NUBPL: variants seen among roughly 807,000 people sequenced by gnomAD.
NUBPL encodes the protein iron-sulfur cluster transfer protein NUBPL.
Under a neutral mutation model 45.7 loss-of-function variants are expected in NUBPL, and 31 were observed. That is an observed-to-expected ratio of 0.68 (90% CI 0.51 to 0.92). The LOEUF is 0.92. Among genes scored for constraint, NUBPL ranks in the 40% least tolerant of loss-of-function variants. The pLI, the probability that NUBPL is intolerant of heterozygous loss-of-function variation, is 0.00. For synonymous variants in NUBPL, 144 were observed against 140.9 expected (o/e 1.02, Z -0.15); for missense variants, 401 against 398.7 (o/e 1.01, Z -0.05).
At chr14:31,753,484 T>C (rs2038579058) in intron 6 of NUBPL, among the ~76,000 whole-genome samples, 1 of 152,022 alleles carries the variant, frequency 6.6e-6, no homozygotes, top group African/African-American at 2.4e-5. Flanking sequence ...GGATCATGGC[T>C]GTCCCATGGG....
At chr14:31,567,457 T>G (rs1020549080) in intron 3 of NUBPL, among the ~76,000 whole-genome samples, 19 of 152,322 alleles carry the variant, frequency 1.2e-4, no homozygotes, top group African/African-American at 4.3e-4. Flanking sequence ...CCTTTATGCT[T>G]GTTAATTTTT....
intron 6 of NUBPL, among the ~76,000 whole-genome samples, chr14:31,741,474 A>G (rs1340525659): frequency 1.3e-5 from 2 of 152,144 alleles, no homozygotes; most frequent in African/African-American, 4.8e-5. Flanking sequence ...CTGGTAAACT[A>G]GTTGCTTCTG....
intron 3 of NUBPL, among the ~76,000 whole-genome samples, chr14:31,596,842 G>A (rs1267579079): frequency 6.6e-6 from 1 of 152,144 alleles, no homozygotes; most frequent in Non-Finnish European, 1.5e-5. Context: ...GTTGCTGTGA[G>A]GATAAGTGAA....
At chr14:31,800,949 C>G (rs1595648117) in intron 7 of NUBPL, 1 of 152,154 alleles carries the variant, frequency 6.6e-6, no homozygotes, top group Non-Finnish European at 1.5e-5. Flanking sequence ...AATGAAGCAA[C>G]TAGTTACAAA....
rs149777453 is a variant in NUBPL, at chr14:31,613,013, T to A, written c.382+13634T>A. Among the ~76,000 whole-genome samples the A allele has an allele frequency of 2.0e-3, 299 of 152,308 alleles. 2 individuals carry two copies. The highest frequency in any genetic ancestry group is 0.014 in the Admixed American group (209 of 15,298). On this transcript the variant is annotated intron_variant, in intron 4 of 10. Transcript: ENST00000281081. Reference sequence around the variant, plus strand: ...CACTCCCATGTTTGTTGCAGCACTGTTCACAATAGCTAAGATTTGAAGGCA... The same window carrying A: ...CACTCCCATGTTTGTTGCAGCACTGATCACAATAGCTAAGATTTGAAGGCA...
intron 4 of NUBPL, among the ~76,000 whole-genome samples, chr14:31,630,731 C>T (rs923960760): frequency 6.6e-5 from 10 of 152,108 alleles, no homozygotes; most frequent in Non-Finnish European, 1.5e-5. Context: ...TTTACTAAGG[C>T]AATATCTTTC....
chr14:31,802,576 G>A (rs76280863), intron 7 of NUBPL, among the ~76,000 whole-genome samples: 8,648 of 152,006 alleles, frequency 0.057, 351 homozygotes, highest in African/African-American at 0.097. Flanking sequence ...GTACCTGGCC[G>A]CCCTTCTTTT....
intron 3 of NUBPL, among the ~76,000 whole-genome samples, chr14:31,566,761 A>T (rs1005938559): frequency 6.6e-6 from 1 of 152,126 alleles, no homozygotes; most frequent in African/African-American, 2.4e-5. Flanking sequence ...ATCCTTATAA[A>T]TGAAAGATGG....
At chr14:31,693,605 G>A (rs1175487598) in intron 6 of NUBPL, among the ~76,000 whole-genome samples, 2 of 151,972 alleles carry the variant, frequency 1.3e-5, no homozygotes, top group Non-Finnish European at 2.9e-5. Flanking sequence ...AACTATAGGT[G>A]AAGTCATTGA....
At chr14:31,656,248 T>C (rs1008598481) in intron 4 of NUBPL, among the ~76,000 whole-genome samples, 3 of 152,250 alleles carry the variant, frequency 2.0e-5, no homozygotes, top group Admixed American at 2.0e-4. Flanking sequence ...TGGTTTGATC[T>C]TCTATCCAGA....
At chr14:31,686,452 G>A (rs1252593086) in intron 6 of NUBPL, among the ~76,000 whole-genome samples, 1 of 152,172 alleles carries the variant, frequency 6.6e-6, no homozygotes, top group African/African-American at 2.4e-5. Flanking sequence ...TCAGAGGAGG[G>A]ATATTAGAAA....
At position 31,648,181 on chromosome 14, in the gene NUBPL, TA is replaced by T. The variant is rs1007491689; in HGVS notation, c.383-25169del. Among the ~76,000 whole-genome samples, 18 of 152,350 alleles carry T rather than the reference TA, an allele frequency of 1.2e-4. No individual in the cohort carries two copies. The East Asian group carries it at 2.1e-3, about 18-fold the overall frequency. ...AAGGAGGCAGAGTCCAATCAGTCAGTAAAAAGATTTAGTGGAATCTGACTAT... is the reference window on the plus strand; with the variant it reads ...AAGGAGGCAGAGTCCAATCAGTCAGTAAAAGATTTAGTGGAATCTGACTAT... On this transcript the variant is annotated intron_variant, in intron 4 of 10. Coordinates refer to ENST00000281081, the MANE Select transcript of NUBPL (RefSeq NM_025152.3).
intron 7 of NUBPL, among the ~76,000 whole-genome samples, chr14:31,807,659 G>C (rs1313165809): frequency 1.3e-5 from 2 of 152,074 alleles, no homozygotes; most frequent in Non-Finnish European, 2.9e-5. Flanking sequence ...TCCTTTTGTT[G>C]CCATTGCTTT....
chr14:31,641,695 C>T (rs766640020), intron 4 of NUBPL, among the ~76,000 whole-genome samples: 1 of 152,110 alleles, frequency 6.6e-6, no homozygotes, highest in Non-Finnish European at 1.5e-5. Flanking sequence ...GATATATACC[C>T]AGCAGTCAAA....
chr14:31,666,263 A>ATATATATATATTTATTATTT lies in NUBPL; in HGVS notation c.383-7092_383-7091insTATATATATATTTATTATTT. Among the ~76,000 whole-genome samples the ATATATATATATTTATTATTT allele has an allele frequency of 1.6e-3, 178 of 111,802 alleles. 5 individuals are homozygous for ATATATATATATTTATTATTT. The highest frequency in any genetic ancestry group is 5.3e-3 in the African/African-American group (172 of 32,544). The allele number at this position is 111,802 out of a possible 152,430, so 73.3% of individuals were successfully genotyped here. ...TATATATATATATATATATATATAT[A>ATATATATATATTTATTATTT]ATTTTATTTTATTTTTTTTGAGACG... On this transcript the variant is annotated intron_variant, in intron 4 of 10. Coordinates refer to ENST00000281081, the MANE Select transcript of NUBPL (RefSeq NM_025152.3).
At chr14:31,833,004 A>G (rs2040217711) in intron 8 of NUBPL, among the ~76,000 whole-genome samples, 1 of 152,230 alleles carries the variant, frequency 6.6e-6, no homozygotes. Flanking sequence ...TTAGAATGTT[A>G]TGAAACAGAT....
intron 3 of NUBPL, among the ~76,000 whole-genome samples, chr14:31,596,375 T>A (rs916013918): frequency 6.6e-6 from 1 of 152,222 alleles, no homozygotes; most frequent in African/African-American, 2.4e-5. Context: ...CTGGCCTGCG[T>A]GCTCTTGGTG....
At chr14:31,801,232 C>G (rs1274991076) in intron 7 of NUBPL, 2 of 152,188 alleles carry the variant, frequency 1.3e-5, no homozygotes, top group African/African-American at 4.8e-5. Flanking sequence ...CTCCTTTTGT[C>G]CCTCCTGATA....
intron 6 of NUBPL, among the ~76,000 whole-genome samples, chr14:31,701,625 C>T (rs2037342175): frequency 6.6e-6 from 1 of 152,218 alleles, no homozygotes; most frequent in Admixed American, 6.5e-5. Context: ...GACCACAAAC[C>T]CACTGGAAGG....
Sources: allele counts gnomAD v4.1 joint callset (sites outside exome capture counted in the v4.1 genomes callset), GRCh38; gene constraint gnomAD v4.1.1; transcripts MANE v1.5; gene names NCBI Gene and HGNC (gene_info 2026-07-23, HGNC 2026-07-21).